PPP6R2: variants seen among roughly 807,000 people sequenced by gnomAD.
PPP6R2 encodes the protein serine/threonine-protein phosphatase 6 regulatory subunit 2.
Under a neutral mutation model 100.2 loss-of-function variants are expected in PPP6R2, and 62 were observed. The ratio of observed to expected loss-of-function variants is 0.62; its 90% confidence interval spans 0.50 to 0.76. The LOEUF is 0.76. PPP6R2 is among the 30% of genes least tolerant of loss of function. The pLI, the probability that PPP6R2 is intolerant of heterozygous loss-of-function variation, is 0.00. For missense variants in PPP6R2, 1,142 were observed against 1,276.3 expected (o/e 0.89, Z 1.60); for synonymous variants, 525 against 514.7 (o/e 1.02, Z -0.27).
chr22:50,379,092 T>C (rs1203128466), intron 2 of PPP6R2, among the ~76,000 whole-genome samples: 1 of 152,156 alleles, frequency 6.6e-6, no homozygotes, highest in Non-Finnish European at 1.5e-5. Flanking sequence ...ATTTCCCATC[T>C]CCCAGAGCTG....
At position 50,423,151 on chromosome 22, in the gene PPP6R2, C is replaced by T. The variant is rs780308063; in HGVS notation, c.973-311C>T. On this transcript the variant is annotated intron_variant, in intron 9 of 23. Coordinates refer to ENST00000612753, the MANE Select transcript of PPP6R2 (RefSeq NM_001242898.2). This position sits in a 1 kb window ranked among gnomAD's most constrained non-coding sequence, Gnocchi z 4.8. ...CGTGCCAAGGGCTCTGGCCTTAGAC[C>T]GGTACTGCTGGCCCCATCTTGGACA... 4.6e-5 allele frequency among the ~76,000 whole-genome samples: 7 copies of T among 152,164 alleles called. No individual in the cohort carries two copies. The highest frequency in any genetic ancestry group is 1.0e-4 in the Non-Finnish European group (7 of 68,024).
At chr22:50,374,727 A>G (rs1435029303) in intron 2 of PPP6R2, among the ~76,000 whole-genome samples, 1 of 152,120 alleles carries the variant, frequency 6.6e-6, no homozygotes, top group Admixed American at 6.5e-5. Flanking sequence ...CATCTTTGCT[A>G]ATACGGTGAA....
At position 50,431,508 on chromosome 22, in the gene PPP6R2, T is replaced by A. The variant is rs545330599; in HGVS notation, c.1335+126T>A. ...CACGGGGGCAGGGCTTTGAAAAGGG[T>A]CCCCAGGTGTCTGGTCAGACGCTCG... On this transcript the variant is annotated intron_variant, in intron 11 of 23. Coordinates refer to ENST00000612753, the MANE Select transcript of PPP6R2 (RefSeq NM_001242898.2). The surrounding 1 kb of genome is among the most constrained non-coding windows in gnomAD (Gnocchi z 4.8). The A allele has an allele frequency of 6.1e-6, 5 of 817,908 alleles. No individual in the cohort carries two copies. The highest frequency in any genetic ancestry group is 9.5e-6 in the Non-Finnish European group (5 of 526,316). 50.7% of individuals were successfully genotyped at this position (817,908 alleles called of 1,614,324 possible).
intron 12 of PPP6R2, among the ~76,000 whole-genome samples, chr22:50,433,013 G>A (rs1050017648): frequency 3.1e-4 from 47 of 149,992 alleles, no homozygotes; most frequent in Non-Finnish European, 8.9e-5. Flanking sequence ...GCCACGCCAC[G>A]GCCTTTCTGC....
At position 50,444,541 on chromosome 22, in the gene PPP6R2, T is replaced by TGGGGGG. The variant is rs749970014; in HGVS notation, c.*297_*302dup. On this transcript the variant is annotated 3_prime_UTR_variant, in exon 24 of 24. Coordinates refer to ENST00000612753, the MANE Select transcript of PPP6R2 (RefSeq NM_001242898.2). The stretch of plus-strand genomic sequence containing the variant: ...GCAGGAGCCGGGGTGGGGGTGGGGG[T>TGGGGGG]GGGGGGGGCAGGACCCTGAGATGCC... 1.4e-4 allele frequency: 10 copies of TGGGGGG among 73,130 alleles called. No individual in the cohort carries two copies. The highest frequency in any genetic ancestry group is 3.2e-4 in the South Asian group (2 of 6,270). The allele number at this position is 73,130 out of a possible 1,614,324, so 4.5% of individuals were successfully genotyped here. A position where few individuals can be genotyped will look rare whatever the true frequency, so the allele number is the denominator to read the frequency against.
chr22:50,419,423 C>G lies in PPP6R2; in HGVS notation c.806C>G (p.Thr269Ser). 5 of 1,614,208 alleles carry G rather than the reference C, an allele frequency of 3.1e-6. No homozygotes were observed. The highest frequency in any genetic ancestry group is 4.2e-6 in the Non-Finnish European group (5 of 1,180,040). The change falls in exon 8 of 24, where the codon ACT becomes AGT. Residue 269 changes from threonine to serine, a missense_variant. Coordinates refer to ENST00000612753, the MANE Select transcript of PPP6R2 (RefSeq NM_001242898.2). ...DRTESCLVSG[T>S]QVLLTLLETR... is the part of the protein sequence containing the mutation. Reference sequence around the variant, plus strand: ...ACGGAGAGCTGCCTCGTCAGTGGGACTCAGGTGTTACTCACCTTGCTGGAA... The same window carrying G: ...ACGGAGAGCTGCCTCGTCAGTGGGAGTCAGGTGTTACTCACCTTGCTGGAA...
At chr22:50,411,784 G>A (rs553420833) in intron 4 of PPP6R2, among the ~76,000 whole-genome samples, 25 of 150,588 alleles carry the variant, frequency 1.7e-4, no homozygotes, top group African/African-American at 5.6e-4. Flanking sequence ...AGTGGCTCAC[G>A]CCTGTAATCC....
At chr22:50,386,411 G>A (rs1376138280) in intron 2 of PPP6R2, among the ~76,000 whole-genome samples, 1 of 152,178 alleles carries the variant, frequency 6.6e-6, no homozygotes, top group East Asian at 1.9e-4. Context: ...AAAGTGCTGG[G>A]ATTACAGGTG....
At chr22:50,365,565 G>A (rs969707328) in intron 1 of PPP6R2, among the ~76,000 whole-genome samples, 2 of 151,686 alleles carry the variant, frequency 1.3e-5, no homozygotes, top group Admixed American at 1.3e-4. Flanking sequence ...TGTAGTCCCA[G>A]CTACTCGGGA....
chr22:50,428,540 G>T (rs1253431891), intron 10 of PPP6R2, among the ~76,000 whole-genome samples: 3 of 152,002 alleles, frequency 2.0e-5, no homozygotes, highest in South Asian at 2.1e-4. Context: ...GTGAGACCTG[G>T]TCTCTACAAA....
chr22:50,414,837 G>A, intron 5 of PPP6R2, 148 bp downstream of exon 5: 1 of 903,962 alleles, frequency 1.1e-6, no homozygotes, highest in Non-Finnish European at 1.6e-6. Context: ...AGGGGTTCTT[G>A]TCAAGGATTG....
intron 2 of PPP6R2, among the ~76,000 whole-genome samples, chr22:50,381,245 CCACCTCAGCATCACACGGGCCT>C (rs1569343676): frequency 6.6e-5 from 10 of 151,074 alleles, no homozygotes; most frequent in African/African-American, 9.7e-5. Flanking sequence ...CACACGGGCC[CCACCTCAGCATCACACGGGCCT>C]CACCTCAGCA....
At position 50,437,775 on chromosome 22, in the gene PPP6R2, G is replaced by T. The variant is rs2064688495; in HGVS notation, c.1782-68G>T. 2.6e-6 allele frequency: 4 copies of T among 1,515,126 alleles called. No homozygotes were observed. The South Asian group carries it at 4.8e-5, about 18-fold the overall frequency. 93.9% of individuals were successfully genotyped at this position (1,515,126 alleles called of 1,614,324 possible). On this transcript the variant is annotated intron_variant, in intron 16 of 23. Coordinates refer to ENST00000612753, the MANE Select transcript of PPP6R2 (RefSeq NM_001242898.2). ...AGGCCCCCGATGAGCACCGGGGGAG[G>T]AGCACTGAGGCCCCAGATGAGCAGT... is the stretch of plus-strand genomic sequence containing the variant.
At position 50,372,132 on chromosome 22, in the gene PPP6R2, C is replaced by G. The variant is rs142095358; in HGVS notation, c.-35C>G. ...GTTTTGCCTGAATACATGATTTAAACAAGAGATTTCCACAGAAGGTAAGAT... is the reference window on the plus strand; with the variant it reads ...GTTTTGCCTGAATACATGATTTAAAGAAGAGATTTCCACAGAAGGTAAGAT... On this transcript the variant is annotated 5_prime_UTR_variant, in exon 2 of 24. Transcript: ENST00000612753. 1.2e-4 allele frequency: 19 copies of G among 152,226 alleles called. No individual in the cohort carries two copies. In the East Asian group the frequency reaches 3.7e-3, roughly 29 times the overall value. The allele number at this position is 152,226 out of a possible 1,614,324, so 9.4% of individuals were successfully genotyped here.
intron 2 of PPP6R2, among the ~76,000 whole-genome samples, chr22:50,376,948 A>T (rs941258830): frequency 1.3e-4 from 19 of 151,874 alleles, no homozygotes; most frequent in Non-Finnish European, 1.9e-4. Flanking sequence ...AATGGCGTGA[A>T]CCCAGGAGGC....
chr22:50,363,824 A>G (rs934796072), intron 1 of PPP6R2, among the ~76,000 whole-genome samples: 25 of 152,206 alleles, frequency 1.6e-4, no homozygotes, highest in African/African-American at 6.0e-4. Context: ...TTTTAAAGTA[A>G]AGGGTGAAGA....
At chr22:50,396,112 C>T (rs1195110932) in intron 3 of PPP6R2, among the ~76,000 whole-genome samples, 6 of 147,406 alleles carry the variant, frequency 4.1e-5, no homozygotes, top group South Asian at 2.2e-4. Flanking sequence ...AGGAGAATGG[C>T]TTGAACCCAG....
intron 1 of PPP6R2, among the ~76,000 whole-genome samples, chr22:50,368,671 C>T (rs1037410694): frequency 6.6e-6 from 1 of 151,786 alleles, no homozygotes; most frequent in African/African-American, 2.4e-5. Flanking sequence ...GGTAGCTTGC[C>T]GCCCACAATA....
intron 2 of PPP6R2, among the ~76,000 whole-genome samples, chr22:50,381,479 C>T (rs1167925618): frequency 6.6e-6 from 1 of 151,590 alleles, no homozygotes; most frequent in Non-Finnish European, 1.5e-5. Flanking sequence ...TTCAGCACCA[C>T]ACGGGCCCCA....
Sources: allele counts gnomAD v4.1 joint callset (sites outside exome capture counted in the v4.1 genomes callset), GRCh38; gene constraint gnomAD v4.1.1; non-coding constraint Gnocchi (gnomAD v3.1); transcripts MANE v1.5; gene names NCBI Gene and HGNC (gene_info 2026-07-23, HGNC 2026-07-21).